LAMA2: variants seen among roughly 807,000 people sequenced by gnomAD.
The protein encoded by LAMA2 is laminin subunit alpha-2.
LAMA2 carries 269 observed loss-of-function variants against 364.8 expected under a neutral mutation model. The observed-to-expected ratio is 0.74, with a 90% CI of 0.67 to 0.82. The LOEUF (loss-of-function observed/expected upper bound fraction) is 0.82. Ranked by LOEUF, LAMA2 falls within the 40% of genes least tolerant of loss-of-function variation. The pLI is 0.00. For missense variants in LAMA2, 3,807 were observed against 3,873.2 expected (o/e 0.98, Z 0.45); for synonymous variants, 1,379 against 1,370.6 (o/e 1.01, Z -0.14).
chr6:129,392,951 T>C lies in LAMA2; in HGVS notation c.5235-94T>C, dbSNP rs960555101. 14 of 968,696 alleles carry C rather than the reference T, an allele frequency of 1.4e-5. No homozygotes were observed. The Admixed American group carries it at 2.8e-4, about 19-fold the overall frequency. The allele number at this position is 968,696 out of a possible 1,614,324, so 60.0% of individuals were successfully genotyped here. ...TTTTCTTATTTTCTCATTCTTTTCA[T>C]GTTAGCATCTCTTTGTAACATGGTT... is the stretch of plus-strand genomic sequence containing the variant. On this transcript the variant is annotated intron_variant, in intron 36 of 64. Coordinates refer to ENST00000421865, the MANE Select transcript of LAMA2 (RefSeq NM_000426.4).
intron 1 of LAMA2, among the ~76,000 whole-genome samples, chr6:128,918,946 C>G (rs1459062106): frequency 6.6e-6 from 1 of 152,090 alleles, no homozygotes; most frequent in Non-Finnish European, 1.5e-5. Flanking sequence ...TTAAATGTAT[C>G]AACGTAGGTA....
intron 1 of LAMA2, among the ~76,000 whole-genome samples, chr6:128,886,338 A>C (rs1443480116): frequency 6.6e-6 from 1 of 152,100 alleles, no homozygotes; most frequent in Non-Finnish European, 1.5e-5. Context: ...AATTAGTTAC[A>C]TTGTTTATAT....
intron 7 of LAMA2, among the ~76,000 whole-genome samples, chr6:129,150,449 T>C (rs191119759): frequency 1.6e-4 from 24 of 152,308 alleles, no homozygotes; most frequent in Admixed American, 1.3e-3. Context: ...GTCTTCCTGT[T>C]GCCACTGACA....
rs573330284 is a variant in LAMA2, at chr6:129,355,998, A to C, written c.4717+2641A>C. 1.3e-3 allele frequency among the ~76,000 whole-genome samples: 200 copies of C among 152,234 alleles called. 1 individual carries two copies. The highest frequency in any genetic ancestry group is 4.7e-3 in the African/African-American group (196 of 41,570). ...GGCTCTTATTTCTCAAAGTATATAA[A>C]ATTCTGCTGAAGAGATCAGGCAAAA... On this transcript the variant is annotated intron_variant, in intron 32 of 64. Coordinates refer to ENST00000421865, the MANE Select transcript of LAMA2 (RefSeq NM_000426.4).
At chr6:129,254,000 G>A (rs926568676) in intron 14 of LAMA2, among the ~76,000 whole-genome samples, 1 of 152,176 alleles carries the variant, frequency 6.6e-6, no homozygotes, top group Admixed American at 6.5e-5. Flanking sequence ...GCTGAAAGTC[G>A]GCATGAATCT....
rs149298939 is a variant in LAMA2, at chr6:129,403,676, A to G, written c.5727-145A>G. Reference sequence around the variant, plus strand: ...TTATAGAAAACTATAGGACAATATAATAAGTAGATACTTCACTATTATTTG... The same window carrying G: ...TTATAGAAAACTATAGGACAATATAGTAAGTAGATACTTCACTATTATTTG... On this transcript the variant is annotated intron_variant, in intron 39 of 64. Coordinates refer to ENST00000421865, the MANE Select transcript of LAMA2 (RefSeq NM_000426.4). The G allele has an allele frequency of 1.0e-3, 759 of 751,986 alleles. 6 individuals are homozygous for G. The African/African-American group carries it at 0.012, about 12-fold the overall frequency. The allele number at this position is 751,986 out of a possible 1,614,324, so 46.6% of individuals were successfully genotyped here.
intron 1 of LAMA2, among the ~76,000 whole-genome samples, chr6:128,900,568 C>T (rs976293189): frequency 6.6e-6 from 1 of 151,770 alleles, no homozygotes; most frequent in African/African-American, 2.4e-5. Flanking sequence ...TTCTACTCAA[C>T]GATAGAAAAA....
At chr6:129,496,895 C>G (rs1419754460) in intron 58 of LAMA2, among the ~76,000 whole-genome samples, 1 of 152,088 alleles carries the variant, frequency 6.6e-6, no homozygotes, top group Non-Finnish European at 1.5e-5. Context: ...TATCTTCCTT[C>G]TAGGATTACT....
intron 48 of LAMA2, among the ~76,000 whole-genome samples, chr6:129,459,798 A>G (rs1388692324): frequency 6.6e-6 from 1 of 152,086 alleles, no homozygotes; most frequent in Non-Finnish European, 1.5e-5. Flanking sequence ...CCTTCTGTAT[A>G]TCAGGCACTG....
intron 28 of LAMA2, among the ~76,000 whole-genome samples, chr6:129,324,023 C>T (rs944785678): frequency 2.0e-5 from 3 of 152,180 alleles, no homozygotes; most frequent in Non-Finnish European, 2.9e-5. Context: ...TGAAAATAGT[C>T]TTAGCTACTT....
chr6:129,511,142 A>G (rs867560285), intron 62 of LAMA2, among the ~76,000 whole-genome samples: 1 of 152,158 alleles, frequency 6.6e-6, no homozygotes, highest in Non-Finnish European at 1.5e-5. Flanking sequence ...ACACAGTGTA[A>G]TACAATTTAC....
chr6:129,147,310 A>T (rs955977696), intron 6 of LAMA2, among the ~76,000 whole-genome samples: 2 of 145,018 alleles, frequency 1.4e-5, no homozygotes, highest in Non-Finnish European at 3.0e-5. Flanking sequence ...GTCTATTTTG[A>T]AATCTCTCTA....
intron 48 of LAMA2, among the ~76,000 whole-genome samples, chr6:129,459,300 A>G (rs1783128211): frequency 1.3e-5 from 2 of 152,076 alleles, no homozygotes; most frequent in African/African-American, 2.4e-5. Context: ...ACCATCATAT[A>G]TGTGATCTGT....
intron 28 of LAMA2, among the ~76,000 whole-genome samples, 176 bp downstream of exon 28, chr6:129,320,831 T>G (rs1352044682): frequency 2.6e-5 from 4 of 152,244 alleles, no homozygotes; most frequent in Admixed American, 2.0e-4. Flanking sequence ...GTACAAATCA[T>G]ACCTGAAGGG....
intron 16 of LAMA2, among the ~76,000 whole-genome samples, chr6:129,270,259 C>T (rs1231230074): frequency 7.3e-6 from 1 of 137,434 alleles, no homozygotes; most frequent in Non-Finnish European, 1.5e-5. Context: ...TATTAGTGCT[C>T]TATGACTACA....
rs775112258 is a variant in LAMA2, at chr6:129,328,299, C to T, written c.4198C>T (p.Arg1400Ter). The T allele has an allele frequency of 5.6e-6, 9 of 1,614,118 alleles. No homozygotes were observed. Among genetic ancestry groups the T allele is most frequent in the East Asian group, 2.2e-5 (1 of 44,876 alleles). The change falls in exon 29 of 65, where the codon CGA becomes TGA. Residue 1400 changes from arginine (R) to a stop codon, truncating the protein, a stop_gained. Transcript: ENST00000421865. LOFTEE classifies it high-confidence loss of function. The stretch of plus-strand genomic sequence containing the variant: ...TCAGGCATGCTTGCCGGGATTTTAT[C>T]GACTGCGTTCTCAACCAGGTGGCCG... ...SCEACLPGFY[R>*]LRSQPGGRTP...
At chr6:129,312,023 T>C (rs1774257270) in intron 22 of LAMA2, among the ~76,000 whole-genome samples, 1 of 142,858 alleles carries the variant, frequency 7.0e-6, no homozygotes, top group African/African-American at 3.0e-5. Context: ...TTATAGATGA[T>C]CCTGAAAAAG....
chr6:129,452,660 G>A (rs1402024916), intron 45 of LAMA2, among the ~76,000 whole-genome samples: 1 of 152,162 alleles, frequency 6.6e-6, no homozygotes, highest in Non-Finnish European at 1.5e-5. Flanking sequence ...TTAGCTCCAT[G>A]TAAAATCACC....
intron 10 of LAMA2, among the ~76,000 whole-genome samples, chr6:129,188,112 C>G (rs1186066416): frequency 6.6e-6 from 1 of 151,840 alleles, no homozygotes; most frequent in Non-Finnish European, 1.5e-5. Context: ...CTCAGATGCA[C>G]TTACCATATT....
Sources: gnomAD v4.1 joint callset for allele counts (sites outside exome capture counted in the v4.1 genomes callset) on GRCh38, gnomAD v4.1.1 for gene constraint, MANE v1.5 for transcripts, NCBI Gene and HGNC (gene_info 2026-07-23, HGNC 2026-07-21) for gene names.